The following CACNA1A variants were observed in gnomAD, a reference collection of about 807,000 sequenced individuals.
CACNA1A encodes voltage-dependent P/Q-type calcium channel subunit alpha-1A.
Under a neutral mutation model 262.4 loss-of-function variants are expected in CACNA1A, and 57 were observed. The ratio of observed to expected loss-of-function variants is 0.22; its 90% CI spans 0.18 to 0.27. The LOEUF is 0.27. CACNA1A is among the 10% of genes least tolerant of loss of function. The probability of loss-of-function intolerance (pLI) is 1.00; values close to 1 mark genes in which losing one functional copy is unlikely to be tolerated. For missense variants in CACNA1A, 2,526 were observed against 3,562.8 expected (o/e 0.71, Z 7.41); for synonymous variants, 1,431 against 1,419.3 (o/e 1.01, Z -0.18).
At chr19:13,418,086 T>C (rs994537213) in intron 3 of CACNA1A, among the ~76,000 whole-genome samples, 1 of 152,152 alleles carries the variant, frequency 6.6e-6, no homozygotes, top group Admixed American at 6.6e-5. Flanking sequence ...CAAAACCATG[T>C]TGGTTTGAAT....
At chr19:13,259,836 C>G (rs1399587650) in intron 26 of CACNA1A, 135 bp from the exon 27 acceptor site, 1 of 821,540 alleles carries the variant, frequency 1.2e-6, no homozygotes, top group East Asian at 2.7e-5. Flanking sequence ...CAGTGACTCC[C>G]CATCCTGCCA....
chr19:13,328,147 C>G (rs2058399447), intron 10 of CACNA1A, among the ~76,000 whole-genome samples: 1 of 151,960 alleles, frequency 6.6e-6, no homozygotes, highest in African/African-American at 2.4e-5. Flanking sequence ...TTAGGAGATC[C>G]TCCTGCACTG....
intron 3 of CACNA1A, among the ~76,000 whole-genome samples, chr19:13,402,252 C>T (rs565500847): frequency 6.6e-6 from 1 of 152,274 alleles, no homozygotes; most frequent in African/African-American, 2.4e-5. Flanking sequence ...GAATAGGTTC[C>T]CTAGGCCAGG....
At position 13,214,347 on chromosome 19, in the gene CACNA1A, C is replaced by CA. The variant is rs1428959852; in HGVS notation, c.5840-15dup. 1.9e-5 allele frequency: 31 copies of CA among 1,611,610 alleles called. No individual in the cohort carries two copies. Among genetic ancestry groups the CA allele is most frequent in the Non-Finnish European group, 2.5e-5 (30 of 1,179,036 alleles). ...TGAGGTCCGTGGCTGGGGGCACACACACGGTGAGCTCACCAAGGGCAGGCC... is the reference window on the plus strand; with the variant it reads ...TGAGGTCCGTGGCTGGGGGCACACACAACGGTGAGCTCACCAAGGGCAGGCC... On this transcript the variant is annotated splice_polypyrimidine_tract_variant and intron_variant, in intron 39 of 46. Coordinates refer to ENST00000360228, the MANE Select transcript of CACNA1A (RefSeq NM_001127222.2). The surrounding 1 kb of genome is among the most constrained non-coding windows in gnomAD (Gnocchi z 4.1).
intron 27 of CACNA1A, chr19:13,258,464 G>C (rs1396653876): frequency 6.6e-6 from 1 of 152,240 alleles, no homozygotes; most frequent in Non-Finnish European, 1.5e-5. Context: ...GTGTATTCAT[G>C]ATGACAATTT....
At chr19:13,209,812 A>G (rs1164623435) in intron 44 of CACNA1A, among the ~76,000 whole-genome samples, 3 of 151,940 alleles carry the variant, frequency 2.0e-5, no homozygotes, top group African/African-American at 7.3e-5. Flanking sequence ...GGGCCCAGCC[A>G]CAGTTGGGCA....
chr19:13,358,399 C>G (rs1170959652), intron 6 of CACNA1A, among the ~76,000 whole-genome samples: 1 of 152,180 alleles, frequency 6.6e-6, no homozygotes, highest in East Asian at 1.9e-4. Flanking sequence ...AACCCTGTCT[C>G]TACAAAAATT....
At position 13,286,669 on chromosome 19, in the gene CACNA1A, C is replaced by T. The variant is rs2057407348; in HGVS notation, c.3387G>A (p.Gly1129=). 1 of 1,562,264 alleles carries T rather than the reference C, an allele frequency of 6.4e-7. No homozygotes were observed. The highest frequency in any genetic ancestry group is 1.4e-5 in the African/African-American group (1 of 73,770). ...AASRRTPNNP[G]NPSNPGPPKT... ...TGGGGGGGCCGGGATTGGATGGGTT[C>T]CCCGGGTTGTTGGGCGTCCGGCGGC... The change falls in exon 20 of 47, where the codon GGG becomes GGA. Residue 1129 remains glycine (G), a synonymous_variant. Coordinates refer to ENST00000360228, the MANE Select transcript of CACNA1A (RefSeq NM_001127222.2).
intron 1 of CACNA1A, among the ~76,000 whole-genome samples, chr19:13,483,725 G>C (rs1335295638): frequency 6.6e-6 from 1 of 152,134 alleles, no homozygotes; most frequent in East Asian, 1.9e-4. Flanking sequence ...GGTGTTATCT[G>C]ATCCCTAGAT....
chr19:13,359,717 G>A lies in CACNA1A; in HGVS notation c.867C>T (p.Pro289=), dbSNP rs777059446. The A allele has an allele frequency of 2.5e-6, 4 of 1,588,230 alleles. No homozygotes were observed. The highest frequency in any genetic ancestry group is 3.6e-5 in the Admixed American group (2 of 55,666). The change falls in exon 6 of 47, where the codon CCC becomes CCT. Residue 289 remains proline, a synonymous_variant. Transcript: ENST00000360228. ...RTCPNGTKCQ[P]YWEGPNNGIT... is the part of the protein sequence containing the mutation. ...TCCCGTTGTTGGGCCCTTCCCAGTA[G>A]GGCTGACATTTGGTCCCATTGGGGC...
At chr19:13,366,642 G>A (rs1469740547) in intron 4 of CACNA1A, among the ~76,000 whole-genome samples, 2 of 152,160 alleles carry the variant, frequency 1.3e-5, no homozygotes, top group East Asian at 3.9e-4. Flanking sequence ...TGTTCCATTT[G>A]ATGATCTTTT....
chr19:13,396,765 C>G (rs1458101227), intron 3 of CACNA1A, among the ~76,000 whole-genome samples: 1 of 152,202 alleles, frequency 6.6e-6, no homozygotes, highest in Non-Finnish European at 1.5e-5. Context: ...AATGCTCCAG[C>G]GGGCTCTGTG....
intron 3 of CACNA1A, among the ~76,000 whole-genome samples, chr19:13,394,873 C>T (rs572224190): frequency 7.9e-5 from 12 of 152,300 alleles, no homozygotes; most frequent in African/African-American, 2.2e-4. Flanking sequence ...TTCCCTAAGG[C>T]GGGTCGTAGA....
intron 22 of CACNA1A, among the ~76,000 whole-genome samples, chr19:13,279,101 C>T (rs2144849368): frequency 6.6e-6 from 1 of 152,086 alleles, no homozygotes; most frequent in Admixed American, 6.6e-5. Context: ...TTATCAAATA[C>T]TTACTAAAGG....
intron 6 of CACNA1A, among the ~76,000 whole-genome samples, chr19:13,338,823 T>C (rs778109434): frequency 6.6e-6 from 1 of 152,174 alleles, no homozygotes; most frequent in Admixed American, 6.5e-5. Context: ...TCTTCACTTA[T>C]AATCCGCGGA....
In CACNA1A at chr19:13,210,667, T is replaced by C. The variant is rs746174583; in HGVS notation, c.6304-15A>G. 7 of 1,560,016 alleles carry C rather than the reference T, an allele frequency of 4.5e-6. No individual in the cohort carries two copies. Among genetic ancestry groups the C allele is most frequent in the Admixed American group, 3.8e-5 (2 of 52,138 alleles). Reference sequence around the variant, plus strand: ...CCCCTTCTCCTCTGTCACAGCCCCATGGGATGGTGCACACAGAAAAAACAG... The same window carrying C: ...CCCCTTCTCCTCTGTCACAGCCCCACGGGATGGTGCACACAGAAAAAACAG... On this transcript the variant is annotated splice_polypyrimidine_tract_variant and intron_variant, in intron 43 of 46. Transcript: ENST00000360228.
At chr19:13,406,004 C>T (rs1200021858) in intron 3 of CACNA1A, among the ~76,000 whole-genome samples, 1 of 152,074 alleles carries the variant, frequency 6.6e-6, no homozygotes, top group Non-Finnish European at 1.5e-5. Flanking sequence ...TCCCTCTTTC[C>T]ATATGCCAGC....
At chr19:13,361,789 A>G (rs1195802940) in intron 5 of CACNA1A, among the ~76,000 whole-genome samples, 1 of 152,216 alleles carries the variant, frequency 6.6e-6, no homozygotes, top group East Asian at 1.9e-4. Context: ...GTTGGAAGGC[A>G]AAAATCTTTT....
At chr19:13,239,446 C>T (rs1022037913) in intron 31 of CACNA1A, among the ~76,000 whole-genome samples, 24 of 152,284 alleles carry the variant, frequency 1.6e-4, no homozygotes, top group Middle Eastern at 3.4e-3. Context: ...GTTATTTGAC[C>T]GATGCCTGCC....
Sources: allele counts gnomAD v4.1 joint callset (sites outside exome capture counted in the v4.1 genomes callset), GRCh38; gene constraint gnomAD v4.1.1; non-coding constraint Gnocchi (gnomAD v3.1); transcripts MANE v1.5; gene names NCBI Gene and HGNC (gene_info 2026-07-23, HGNC 2026-07-21).